Variants in IQCM observed in about 807,000 individuals in gnomAD.
The protein encoded by IQCM is IQ motif containing M, also known as IQ domain-containing protein M.
A neutral mutation model predicts 57.6 loss-of-function variants in IQCM; 45 were observed. That is an observed-to-expected ratio of 0.78 (90% confidence interval 0.62 to 1.00). The LOEUF is 1.00. Ranked by LOEUF, IQCM falls within the 50% of genes least tolerant of loss-of-function variation. The pLI, the probability that IQCM is intolerant of heterozygous loss-of-function variation, is 0.00. For synonymous variants in IQCM, 148 were observed against 158.9 expected (o/e 0.93, Z 0.51); for missense variants, 468 against 511.6 (o/e 0.91, Z 0.82).
chr4:149,576,445 T>C (rs998340526), intron 9 of IQCM, among the ~76,000 whole-genome samples: 13 of 151,898 alleles, frequency 8.6e-5, no homozygotes, highest in Non-Finnish European at 1.6e-4. Context: ...CATGGATGAA[T>C]TGTATAGTGG....
chr4:149,459,239 G>A (rs922600934), intron 12 of IQCM, among the ~76,000 whole-genome samples: 1 of 152,208 alleles, frequency 6.6e-6, no homozygotes, highest in Non-Finnish European at 1.5e-5. Flanking sequence ...AGGGTGCTCT[G>A]TGCTGAGGTT....
At chr4:149,568,958 A>G (rs577750675) in intron 9 of IQCM, among the ~76,000 whole-genome samples, 2 of 152,280 alleles carry the variant, frequency 1.3e-5, no homozygotes, top group South Asian at 4.1e-4. Context: ...TGGTCTTGTG[A>G]ATCGGTCTAG....
At position 149,686,095 on chromosome 4, in the gene IQCM, T is replaced by C. The variant is rs552121415; in HGVS notation, c.476+283A>G. 5.3e-4 allele frequency among the ~76,000 whole-genome samples: 81 copies of C among 151,436 alleles called. 1 individual carries two copies. In the South Asian group the frequency reaches 0.015, roughly 28 times the overall value. ...TGTAATATTATCATAAAATATGGCA[T>C]TTTTTTCCCCAGGAAAGCCACAAAT... On this transcript the variant is annotated intron_variant, in intron 6 of 13. Coordinates refer to ENST00000636793, the MANE Select transcript of IQCM (RefSeq NM_001363507.2).
Position 149,657,631 on chromosome 4 carries a change from ATAAG to A in IQCM, c.565+24483_565+24486del, listed in dbSNP as rs1276129299. Among the ~76,000 whole-genome samples, 4 of 152,278 alleles carry A rather than the reference ATAAG, an allele frequency of 2.6e-5. No individual in the cohort carries two copies. The East Asian group carries it at 7.7e-4, about 29-fold the overall frequency. On this transcript the variant is annotated intron_variant, in intron 7 of 13. Coordinates refer to ENST00000636793, the MANE Select transcript of IQCM (RefSeq NM_001363507.2). ...TAATTTACCATCCTACTAGCAGTAT[ATAAG>A]TGTTTCCTTTTCTCTATATCTTCGT... is the stretch of plus-strand genomic sequence containing the variant.
At chr4:149,507,474 A>C (rs1743943436) in intron 12 of IQCM, among the ~76,000 whole-genome samples, 1 of 152,192 alleles carries the variant, frequency 6.6e-6, no homozygotes, top group South Asian at 2.1e-4. Flanking sequence ...GAAATGAGGA[A>C]CTTGTTGGGA....
intron 2 of IQCM, among the ~76,000 whole-genome samples, chr4:149,751,973 A>G (rs964828887): frequency 1.3e-5 from 2 of 152,164 alleles, no homozygotes; most frequent in South Asian, 2.1e-4. Flanking sequence ...CTTAGTAATA[A>G]ACTCTACTCT....
At chr4:149,644,352 T>C (rs1032013017) in intron 7 of IQCM, among the ~76,000 whole-genome samples, 2 of 152,210 alleles carry the variant, frequency 1.3e-5, no homozygotes, top group African/African-American at 4.8e-5. Context: ...TTGTAAATAT[T>C]TGCCTTCTTA....
chr4:149,688,919 A>T (rs1762745184), intron 5 of IQCM, among the ~76,000 whole-genome samples: 2 of 152,084 alleles, frequency 1.3e-5, no homozygotes, highest in East Asian at 3.9e-4. Flanking sequence ...AAAAAACTGG[A>T]TCCTCATCTT....
At chr4:149,703,295 C>T (rs1437923241) in intron 5 of IQCM, among the ~76,000 whole-genome samples, 1 of 151,866 alleles carries the variant, frequency 6.6e-6, no homozygotes, top group Non-Finnish European at 1.5e-5. Context: ...AAAACTATAT[C>T]AAATGGGTTT....
intron 9 of IQCM, among the ~76,000 whole-genome samples, chr4:149,584,808 G>A (rs1420139970): frequency 6.6e-6 from 1 of 151,730 alleles, no homozygotes; most frequent in Non-Finnish European, 1.5e-5. Context: ...TGAAGATTAG[G>A]AGAGAAATAA....
rs188207108 is a variant in IQCM, at chr4:149,405,092, G to C, written c.1390+28304C>G. 3.2e-4 allele frequency among the ~76,000 whole-genome samples: 48 copies of C among 151,950 alleles called. 1 individual carries two copies. The highest frequency in any genetic ancestry group is 4.0e-4 in the Non-Finnish European group (27 of 67,970). Reference sequence around the variant, plus strand: ...CATTCATTTAGGAGTCTCCTGTCTGGTAAATTTTCATGTCCAGAAGAGAAG... The same window carrying C: ...CATTCATTTAGGAGTCTCCTGTCTGCTAAATTTTCATGTCCAGAAGAGAAG... On this transcript the variant is annotated intron_variant, in intron 13 of 13. Coordinates refer to ENST00000636793, the MANE Select transcript of IQCM (RefSeq NM_001363507.2).
At chr4:149,573,083 G>A (rs1325610080) in intron 9 of IQCM, among the ~76,000 whole-genome samples, 1 of 151,640 alleles carries the variant, frequency 6.6e-6, no homozygotes, top group East Asian at 1.9e-4. Flanking sequence ...TTGTGTTAGA[G>A]CCAATCAATA....
At chr4:149,655,405 A>T (rs942623807) in intron 7 of IQCM, among the ~76,000 whole-genome samples, 2 of 152,074 alleles carry the variant, frequency 1.3e-5, no homozygotes, top group African/African-American at 4.8e-5. Flanking sequence ...CATAGCATGC[A>T]TTTCTGCCAG....
At chr4:149,649,775 A>C (rs1042029445) in intron 7 of IQCM, among the ~76,000 whole-genome samples, 16 of 152,198 alleles carry the variant, frequency 1.1e-4, no homozygotes. Context: ...TAAAATAGAT[A>C]GCTAGGAAAT....
intron 13 of IQCM, among the ~76,000 whole-genome samples, chr4:149,386,605 G>C (rs571266612): frequency 6.6e-6 from 1 of 151,910 alleles, no homozygotes; most frequent in Non-Finnish European, 1.5e-5. Flanking sequence ...CTGTTCATTT[G>C]TCCCAAAAAA....
At chr4:149,641,855 G>T (rs1275614679) in intron 7 of IQCM, among the ~76,000 whole-genome samples, 1 of 152,070 alleles carries the variant, frequency 6.6e-6, no homozygotes, top group Non-Finnish European at 1.5e-5. Context: ...CTACCTTGGG[G>T]ATAAAAAAAG....
At chr4:149,559,122 G>A (rs1194143963) in intron 10 of IQCM, among the ~76,000 whole-genome samples, 1 of 151,910 alleles carries the variant, frequency 6.6e-6, no homozygotes, top group Admixed American at 6.6e-5. Context: ...CAAACCCAAA[G>A]TCCTATCAAC....
chr4:149,812,701 G>C (rs749234628), intron 2 of IQCM, among the ~76,000 whole-genome samples: 2 of 151,864 alleles, frequency 1.3e-5, no homozygotes, highest in Non-Finnish European at 2.9e-5. Flanking sequence ...TTTTTGCTTT[G>C]ATTGACAGTG....
intron 13 of IQCM, among the ~76,000 whole-genome samples, chr4:149,368,789 TATATAC>T (rs1320694290): frequency 1.8e-5 from 2 of 113,202 alleles, no homozygotes; most frequent in Non-Finnish European, 3.8e-5. Flanking sequence ...TACATGTATA[TATATAC>T]ATATATATAC....
Sources: gnomAD v4.1 joint callset for allele counts (sites outside exome capture counted in the v4.1 genomes callset) on GRCh38, gnomAD v4.1.1 for gene constraint, MANE v1.5 for transcripts, NCBI Gene and HGNC (gene_info 2026-07-23, HGNC 2026-07-21) for gene names.